Variants in BRME1 observed in about 807,000 individuals in gnomAD.
BRME1 encodes BRCA2 and MEILB2-associating protein 1.
Under a neutral mutation model 52.6 loss-of-function variants are expected in BRME1, and 31 were observed. The observed-to-expected ratio is 0.59, with a 90% CI of 0.44 to 0.80. The LOEUF is 0.80. Among genes scored for constraint, BRME1 ranks in the 30% least tolerant of loss-of-function variants. The pLI is 0.00. For synonymous variants in BRME1, 359 were observed against 353.6 expected (o/e 1.02, Z -0.17); for missense variants, 804 against 860.3 (o/e 0.93, Z 0.82).
At chr19:13,893,252 G>C (rs1242360263) in intron 3 of BRME1, 29 bp from the exon 4 acceptor site, 1 of 1,549,206 alleles carries the variant, frequency 6.5e-7, no homozygotes, top group Non-Finnish European at 8.7e-7. Context: ...AACTGAAGGA[G>C]ATCTGCCCGG....
At position 13,888,960 on chromosome 19, in the gene BRME1, T is replaced by C. The variant is rs2145139344; in HGVS notation, c.1668+228A>G. Among the ~76,000 whole-genome samples, 1 of 152,210 alleles carries C rather than the reference T, an allele frequency of 6.6e-6. No homozygotes were observed. The highest frequency in any genetic ancestry group is 1.9e-4 in the East Asian group (1 of 5,182). On this transcript the variant is annotated intron_variant, in intron 6 of 8. Coordinates refer to ENST00000586783, the MANE Select transcript of BRME1 (RefSeq NM_001345843.2). The surrounding 1 kb of genome is among the most constrained non-coding windows in gnomAD (Gnocchi z 4.1). ...CTGAGAAAGCAGCTGTGTGTCACCA[T>C]CCCTAGATATGTCGACAACCACCAA...
chr19:13,891,128 T>A (rs1187626777), intron 5 of BRME1, among the ~76,000 whole-genome samples: 1 of 148,852 alleles, frequency 6.7e-6, no homozygotes, highest in African/African-American at 2.5e-5. Context: ...CCAATGTCAA[T>A]TTCCTGTTTA....
rs1969612880 is a variant in BRME1, at chr19:13,892,908, G to C, written c.289-18C>G. On this transcript the variant is annotated intron_variant, in intron 4 of 8. Coordinates refer to ENST00000586783, the MANE Select transcript of BRME1 (RefSeq NM_001345843.2). ...AATGAGTTCTGTAAACCGGATACAA[G>C]AACAAAGCAGCAATAAAGATAAGAG... is the stretch of plus-strand genomic sequence containing the variant. The C allele has an allele frequency of 3.1e-6, 5 of 1,600,084 alleles. No homozygotes were observed. The highest frequency in any genetic ancestry group is 3.3e-5 in the Admixed American group (2 of 60,004).
chr19:13,891,876 C>T (rs888815442), intron 5 of BRME1, among the ~76,000 whole-genome samples: 1 of 151,738 alleles, frequency 6.6e-6, no homozygotes, highest in Non-Finnish European at 1.5e-5. Context: ...AGTTCGAGAC[C>T]AGCCTGGCCA....
At chr19:13,895,703 G>A (rs1969842876) in intron 2 of BRME1, among the ~76,000 whole-genome samples, 157 bp from the exon 3 acceptor site, 1 of 152,160 alleles carries the variant, frequency 6.6e-6, no homozygotes, top group Non-Finnish European at 1.5e-5. Flanking sequence ...AGAGCATCTT[G>A]TACACTGTTG....
Position 13,892,788 on chromosome 19 carries a change from G to A in BRME1, c.391C>T (p.Leu131=). The change falls in exon 5 of 9, where the codon CTG becomes TTG. Residue 131 remains leucine (L), a splice_region_variant and synonymous_variant. Coordinates refer to ENST00000586783, the MANE Select transcript of BRME1 (RefSeq NM_001345843.2). ...CCTGGCTGATTTTAGAGCCTTACCA[G>A]GCTAAAGGCCCCACTCCCACGGTCC... ...DEDRGSGAFS[L]ETIAESSAQS... is the part of the protein sequence containing the mutation. 1 of 1,613,214 alleles carries A rather than the reference G, an allele frequency of 6.2e-7. No individual in the cohort carries two copies. The highest frequency in any genetic ancestry group is 8.5e-7 in the Non-Finnish European group (1 of 1,179,202).
chr19:13,891,827 C>CT (rs558739714), intron 5 of BRME1, among the ~76,000 whole-genome samples: 1,551 of 150,864 alleles, frequency 0.01, 26 homozygotes, highest in African/African-American at 0.036. Flanking sequence ...AATCCCAGCA[C>CT]TTTGAGAGGC....
chr19:13,889,656 C>A lies in BRME1; in HGVS notation c.1200G>T (p.Glu400Asp). The A allele has an allele frequency of 6.2e-7, 1 of 1,609,954 alleles. No individual in the cohort carries two copies. Among genetic ancestry groups the A allele is most frequent in the Non-Finnish European group, 8.5e-7 (1 of 1,178,166 alleles). The part of the protein sequence containing the change: ...LTGETTGESG[E>D]AGQDGKPPGD... ...CGGGGGGCTTGCCATCCTGCCCTGC[C>A]TCCCCACTTTCTCCTGTGGTTTCCC... The change falls in exon 6 of 9, where the codon GAG (glutamate) becomes GAT (aspartate). Residue 400 changes from glutamate to aspartate, a missense_variant. This residue lies in a region of BRME1 where 552 missense variants were observed against 561.1 expected (regional missense o/e 0.98). Transcript: ENST00000586783.
At chr19:13,901,036 A>C (rs1162757061) in intron 2 of BRME1, among the ~76,000 whole-genome samples, 1 of 151,896 alleles carries the variant, frequency 6.6e-6, no homozygotes, top group Non-Finnish European at 1.5e-5. Flanking sequence ...GTGCAGGCGC[A>C]ATCATAGCTC....
rs749388896 is a variant in BRME1, at chr19:13,904,933, CTCA to C, written c.-21-23_-21-21del. 1.9e-6 allele frequency: 3 copies of C among 1,589,938 alleles called. No homozygotes were observed. Among genetic ancestry groups the C allele is most frequent in the South Asian group, 1.1e-5 (1 of 90,516 alleles). On this transcript the variant is annotated intron_variant, in intron 1 of 8. Coordinates refer to ENST00000586783, the MANE Select transcript of BRME1 (RefSeq NM_001345843.2). Reference sequence around the variant, plus strand: ...AGAAATCTGAAAACAAGCAAAATCTCTCATCATTATAAGCAGTCTCTGTCTCTG... The same window carrying C: ...AGAAATCTGAAAACAAGCAAAATCTCTCATTATAAGCAGTCTCTGTCTCTG...
At position 13,892,775 on chromosome 19, in the gene BRME1, T is replaced by C. The variant is rs753815776; in HGVS notation, c.393+11A>G. Reference sequence around the variant, plus strand: ...GCGCTGGGCTCAGCCTGGCTGATTTTAGAGCCTTACCAGGCTAAAGGCCCC... The same window carrying C: ...GCGCTGGGCTCAGCCTGGCTGATTTCAGAGCCTTACCAGGCTAAAGGCCCC... On this transcript the variant is annotated intron_variant, in intron 5 of 8. Coordinates refer to ENST00000586783, the MANE Select transcript of BRME1 (RefSeq NM_001345843.2). 10 of 1,609,162 alleles carry C rather than the reference T, an allele frequency of 6.2e-6. No homozygotes were observed. The highest frequency in any genetic ancestry group is 1.7e-4 in the Middle Eastern group (1 of 6,044).
At chr19:13,898,407 A>C (rs970709827) in intron 2 of BRME1, among the ~76,000 whole-genome samples, 1 of 152,030 alleles carries the variant, frequency 6.6e-6, no homozygotes, top group Non-Finnish European at 1.5e-5. Flanking sequence ...ACTTGAGTCC[A>C]GGATCTCACT....
At position 13,882,921 on chromosome 19, in the gene BRME1, C is replaced by A. The variant is rs749243127; in HGVS notation, c.1888G>T (p.Glu630Ter). 5 of 1,613,890 alleles carry A rather than the reference C, an allele frequency of 3.1e-6. No homozygotes were observed. Among genetic ancestry groups the A allele is most frequent in the Non-Finnish European group, 4.2e-6 (5 of 1,179,970 alleles). ...RLIMGTHRDL[E>*]AFKRLNYRKT... ...CGGTAGTTAAGGCGCTTGAAAGCTT[C>A]CAGGTCCCGGTGGGTGCCCATGATC... Residue 630 changes from glutamate to a stop codon, truncating the protein, a stop_gained, in exon 9 of 9, where the codon GAA becomes TAA. Transcript: ENST00000586783. LOFTEE classifies it low-confidence loss of function (END_TRUNC).
intron 3 of BRME1, 78 bp downstream of exon 3, chr19:13,895,294 A>G: frequency 2.1e-6 from 3 of 1,460,162 alleles, no homozygotes; most frequent in Non-Finnish European, 2.8e-6. Flanking sequence ...TCTTTCCCAA[A>G]GCATTGCTGT....
At chr19:13,899,414 G>C (rs2145215849) in intron 2 of BRME1, among the ~76,000 whole-genome samples, 1 of 152,244 alleles carries the variant, frequency 6.6e-6, no homozygotes, top group Non-Finnish European at 1.5e-5. Flanking sequence ...GCCTCCCAAA[G>C]TGCTGGGAAT....
Position 13,882,636 on chromosome 19 carries a change from G to T in BRME1, c.*166C>A. The T allele has an allele frequency of 1.2e-6, 1 of 838,690 alleles. No individual in the cohort carries two copies. Among genetic ancestry groups the T allele is most frequent in the Non-Finnish European group, 1.9e-6 (1 of 535,392 alleles). 52.0% of individuals were successfully genotyped at this position (838,690 alleles called of 1,614,324 possible). ...TGGCAAATGACCTTGACCCTGGCCA[G>T]GTGAGGCCAGGACCTCACGGCCTCC... On this transcript the variant is annotated 3_prime_UTR_variant, in exon 9 of 9. Coordinates refer to ENST00000586783, the MANE Select transcript of BRME1 (RefSeq NM_001345843.2).
Position 13,889,415 on chromosome 19 carries a change from C to A in BRME1, c.1441G>T (p.Val481Phe), listed in dbSNP as rs1372057316. 6.2e-7 allele frequency: 1 copy of A among 1,614,048 alleles called. No homozygotes were observed. The highest frequency in any genetic ancestry group is 1.7e-5 in the Admixed American group (1 of 60,022). The change falls in exon 6 of 9, where the codon GTT (valine) becomes TTT (phenylalanine). Residue 481 changes from valine to phenylalanine, a missense_variant. Transcript: ENST00000586783. ...EGFRVSPQAS[V>F]VLEHREIADD... ...GCTATTTCTCTGTGTTCCAGCACAA[C>A]AGAGGCTTGCGGGGACACACGGAAC...
intron 7 of BRME1, 134 bp downstream of exon 7, chr19:13,885,827 G>A: frequency 1.4e-6 from 1 of 705,414 alleles, no homozygotes; most frequent in Non-Finnish European, 2.4e-6. Context: ...GAAAGACAGG[G>A]CTCAGCTCCC....
intron 2 of BRME1, among the ~76,000 whole-genome samples, chr19:13,896,375 G>T (rs1010159282): frequency 3.4e-5 from 5 of 145,486 alleles, no homozygotes; most frequent in African/African-American, 1.3e-4. Context: ...TTTACATATT[G>T]CATATTTATA....
Sources: allele counts gnomAD v4.1 joint callset (sites outside exome capture counted in the v4.1 genomes callset), GRCh38; gene constraint gnomAD v4.1.1; regional missense constraint gnomAD v4.1.1; non-coding constraint Gnocchi (gnomAD v3.1); transcripts MANE v1.5; gene names NCBI Gene and HGNC (gene_info 2026-07-23, HGNC 2026-07-21).